Variants in ZNF287 observed in about 807,000 individuals in gnomAD.
ZNF287 encodes the protein zinc finger protein with KRAB and SCAN domains 13.
ZNF287 carries 31 observed loss-of-function variants against 73.7 expected under a neutral mutation model. The ratio of observed to expected loss-of-function variants is 0.42; its 90% confidence interval spans 0.32 to 0.57. The LOEUF (loss-of-function observed/expected upper bound fraction) is 0.57. Ranked by LOEUF, ZNF287 falls within the 20% of genes least tolerant of loss-of-function variation. The pLI, the probability that ZNF287 is intolerant of heterozygous loss-of-function variation, is 0.13. For missense variants in ZNF287, 641 were observed against 909.3 expected, an observed-to-expected ratio of 0.70 and a Z score of 3.79; for synonymous variants, 301 against 307.2, an observed-to-expected ratio of 0.98 and a Z score of 0.21.
At chr17:16,555,460 T>C (rs551279452) in intron 5 of ZNF287, among the ~76,000 whole-genome samples, 8 of 152,338 alleles carry the variant, frequency 5.3e-5, no homozygotes, top group African/African-American at 1.9e-4. Context: ...CTTATCCTTC[T>C]TTCACATTTC....
Position 16,551,677 on chromosome 17 carries a change from C to A in ZNF287, c.*179G>T. 3.5e-6 allele frequency: 2 copies of A among 566,874 alleles called. No individual in the cohort carries two copies. Among genetic ancestry groups the A allele is most frequent in the Non-Finnish European group, 5.8e-6 (2 of 347,002 alleles). The allele number at this position is 566,874 out of a possible 1,614,324, so 35.1% of individuals were successfully genotyped here. On this transcript the variant is annotated 3_prime_UTR_variant, in exon 6 of 6. Coordinates refer to ENST00000395825, the MANE Select transcript of ZNF287 (RefSeq NM_020653.4). ...AATTAAGGTTAAGAAGTCAAGTTTC[C>A]TTCTTAAATTTCACATTAAATCTAA...
Position 16,551,194 on chromosome 17 carries a change from T to A in ZNF287, c.*662A>T, listed in dbSNP as rs1474441042. Among the ~76,000 whole-genome samples the A allele has an allele frequency of 6.6e-6, 1 of 152,142 alleles. No homozygotes were observed. The highest frequency in any genetic ancestry group is 2.4e-5 in the African/African-American group (1 of 41,436). On this transcript the variant is annotated 3_prime_UTR_variant, in exon 6 of 6. Coordinates refer to ENST00000395825, the MANE Select transcript of ZNF287 (RefSeq NM_020653.4). ...AACAGGGAAGGGAGTCCTTTACATA[T>A]TTTAAGGCTTCAAAGCTGGGAATAA...
In ZNF287 at chr17:16,567,945, G is replaced by A; in HGVS notation, c.-198-16C>T. On this transcript the variant is annotated splice_polypyrimidine_tract_variant and intron_variant, in intron 1 of 5. Coordinates refer to ENST00000395825, the MANE Select transcript of ZNF287 (RefSeq NM_020653.4). Reference sequence around the variant, plus strand: ...ATAAGAGACCCTGAAACACAAGCATGGACCACAAGGTCAAGAATCCCTGGT... The same window carrying A: ...ATAAGAGACCCTGAAACACAAGCATAGACCACAAGGTCAAGAATCCCTGGT... 7.1e-7 allele frequency: 1 copy of A among 1,405,452 alleles called. No individual in the cohort carries two copies. Among genetic ancestry groups the A allele is most frequent in the Non-Finnish European group, 9.2e-7 (1 of 1,084,328 alleles). 87.1% of individuals were successfully genotyped at this position (1,405,452 alleles called of 1,614,324 possible). A position where few individuals can be genotyped will look rare whatever the true frequency, so the allele number is the denominator to read the frequency against.
intron 5 of ZNF287, among the ~76,000 whole-genome samples, chr17:16,554,598 T>C (rs909183532): frequency 3.3e-5 from 5 of 152,224 alleles, no homozygotes; most frequent in Admixed American, 2.6e-4. Flanking sequence ...CTCATATTTC[T>C]CTCTACAATG....
intron 5 of ZNF287, among the ~76,000 whole-genome samples, chr17:16,556,473 T>C (rs1382268506): frequency 2.0e-5 from 3 of 152,224 alleles, no homozygotes; most frequent in African/African-American, 2.4e-5. Flanking sequence ...ATATTACTTT[T>C]GTTGCTATTT....
rs568032897 is a variant in ZNF287, at chr17:16,555,358, T to C, written c.716-1932A>G. 5.4e-4 allele frequency among the ~76,000 whole-genome samples: 83 copies of C among 152,308 alleles called. 1 individual carries two copies. Among genetic ancestry groups the C allele is most frequent in the Admixed American group, 3.1e-3 (47 of 15,298 alleles). On this transcript the variant is annotated intron_variant, in intron 5 of 5. Coordinates refer to ENST00000395825, the MANE Select transcript of ZNF287 (RefSeq NM_020653.4). ...CCACTGTCATACATGCAGTTTGTTG[T>C]TGACCAAAACATCATTATGCAGCAC... is the stretch of plus-strand genomic sequence containing the variant.
intron 5 of ZNF287, among the ~76,000 whole-genome samples, chr17:16,562,895 G>A (rs1178693016): frequency 6.6e-6 from 1 of 152,164 alleles, no homozygotes; most frequent in East Asian, 1.9e-4. Flanking sequence ...AAGCTCTTAA[G>A]AGATGGGACC....
At position 16,549,008 on chromosome 17, in the gene ZNF287, A is replaced by C. The variant is rs1376842967; in HGVS notation, c.*2848T>G. ...GACCATCCTTATTTTTGTAAGATGC[A>C]TGCTGAAGTATTTAGAGATGAAATG... On this transcript the variant is annotated 3_prime_UTR_variant, in exon 6 of 6. Coordinates refer to ENST00000395825, the MANE Select transcript of ZNF287 (RefSeq NM_020653.4). 6.6e-6 allele frequency among the ~76,000 whole-genome samples: 1 copy of C among 152,180 alleles called. No individual in the cohort carries two copies. Among genetic ancestry groups the C allele is most frequent in the South Asian group, 2.1e-4 (1 of 4,832 alleles).
intron 5 of ZNF287, among the ~76,000 whole-genome samples, chr17:16,562,637 AT>A (rs946629525): frequency 3.8e-4 from 57 of 151,570 alleles, no homozygotes; most frequent in Non-Finnish European, 5.6e-4. Flanking sequence ...ATATTTATAT[AT>A]TTTTTTTGCT....
chr17:16,559,572 A>AACACACACACAC (rs148356389), intron 5 of ZNF287, among the ~76,000 whole-genome samples: 2,092 of 147,446 alleles, frequency 0.014, 46 homozygotes, highest in African/African-American at 0.045. Context: ...TAAAAGAACT[A>AACACACACACAC]ACACACACAC....
At chr17:16,563,898 T>G (rs1175417153) in intron 3 of ZNF287, 73 bp from the exon 4 acceptor site, 1 of 1,536,586 alleles carries the variant, frequency 6.5e-7, no homozygotes, top group Admixed American at 1.8e-5. Context: ...ACTGGGTATA[T>G]GTATGGTGGG....
In ZNF287 at chr17:16,563,129, C is replaced by G. The variant is rs372832682; in HGVS notation, c.715+17G>C. ...ATTCTTAAATACAAAGAAGCTCATG[C>G]GCTTTTTGTTTCTCACCTGGACTAG... On this transcript the variant is annotated intron_variant, in intron 5 of 5. Coordinates refer to ENST00000395825, the MANE Select transcript of ZNF287 (RefSeq NM_020653.4). 10 of 1,567,514 alleles carry G rather than the reference C, an allele frequency of 6.4e-6. No individual in the cohort carries two copies. The highest frequency in any genetic ancestry group is 1.8e-5 in the Admixed American group (1 of 56,928).
intron 1 of ZNF287, 90 bp from the exon 2 acceptor site, chr17:16,568,019 T>C (rs888054823): frequency 1.3e-4 from 149 of 1,151,702 alleles, no homozygotes; most frequent in African/African-American, 5.4e-4. Context: ...GCAGTGTGCA[T>C]AGATGAACAC....
chr17:16,566,835 A>G (rs1171000211), intron 2 of ZNF287, among the ~76,000 whole-genome samples: 1 of 152,236 alleles, frequency 6.6e-6, no homozygotes, highest in Non-Finnish European at 1.5e-5. Flanking sequence ...TAAAAATCTT[A>G]AAGAGTATGA....
intron 5 of ZNF287, among the ~76,000 whole-genome samples, chr17:16,561,542 A>G (rs1012083841): frequency 6.6e-6 from 1 of 152,190 alleles, no homozygotes; most frequent in Non-Finnish European, 1.5e-5. Context: ...CAATGATGAG[A>G]TGAATTACCA....
intron 5 of ZNF287, 78 bp from the exon 6 acceptor site, chr17:16,553,504 C>T (rs1367906874): frequency 1.7e-6 from 2 of 1,171,168 alleles, no homozygotes; most frequent in African/African-American, 3.2e-5. Context: ...AAAGAATAAA[C>T]ATAGATAAAA....
chr17:16,560,100 G>A (rs779638028), intron 5 of ZNF287, among the ~76,000 whole-genome samples: 98 of 148,104 alleles, frequency 6.6e-4, no homozygotes, highest in Non-Finnish European at 8.7e-4. Context: ...CTACAGGCAC[G>A]TGCCACCACA....
At position 16,551,935 on chromosome 17, in the gene ZNF287, A is replaced by G; in HGVS notation, c.2207T>C (p.Ile736Thr). 1 of 1,614,074 alleles carries G rather than the reference A, an allele frequency of 6.2e-7. No individual in the cohort carries two copies. Among genetic ancestry groups the G allele is most frequent in the East Asian group, 2.2e-5 (1 of 44,870 alleles). Residue 736 changes from isoleucine to threonine, a missense_variant, in exon 6 of 6, where the codon ATA becomes ACA. Physicochemically the swap from Ile to Thr is moderately conservative, Grantham distance 89 (BLOSUM62 -1). Transcript: ENST00000395825. Reference protein sequence around the residue: ...HTGEKPYACRICGKTFTQSTN... With the variant: ...HTGEKPYACRTCGKTFTQSTN... ...ACTCTGGGTGAAGGTTTTACCACAT[A>G]TACGACATGCATAGGGTTTCTCTCC...
At position 16,563,765 on chromosome 17, in the gene ZNF287, G is replaced by A. The variant is rs763168163; in HGVS notation, c.562C>T (p.Arg188Cys). ...TTGTATAATTCCTTCTGCACAGGAC[G>A]CATTAACTCCCAGTCCTCCTGGGTG... is the stretch of plus-strand genomic sequence containing the variant. Reference protein sequence around the residue: ...DITQEDWELMRPVQKELYKTV... With the variant: ...DITQEDWELMCPVQKELYKTV... Residue 188 changes from arginine (R) to cysteine (C), a missense_variant, in exon 4 of 6, where the codon CGT (arginine) becomes TGT (cysteine). Arg to Cys is a radical substitution (Grantham distance 180, BLOSUM62 -3). This residue lies in a region of ZNF287 where 357 missense variants were observed against 442.4 expected (regional missense o/e 0.81). Transcript: ENST00000395825. 1.9e-6 allele frequency: 3 copies of A among 1,613,572 alleles called. No homozygotes were observed. The highest frequency in any genetic ancestry group is 1.1e-5 in the South Asian group (1 of 91,036).
Sources: gnomAD v4.1 joint callset for allele counts (sites outside exome capture counted in the v4.1 genomes callset) on GRCh38, gnomAD v4.1.1 for gene constraint, gnomAD v4.1.1 regional missense constraint, MANE v1.5 for transcripts, NCBI Gene and HGNC (gene_info 2026-07-23, HGNC 2026-07-21) for gene names.